Variants in NWD2 observed in about 807,000 individuals in gnomAD.
NWD2 encodes the protein NACHT and WD repeat domain containing 2, also known as NACHT and WD repeat domain-containing protein 2.
In NWD2, 37 loss-of-function variants were observed where a neutral mutation model predicts 132.7. The ratio of observed to expected loss-of-function variants is 0.28; its 90% CI spans 0.21 to 0.37. NWD2 has a LOEUF of 0.37. Ranked by LOEUF, NWD2 falls within the 10% of genes least tolerant of loss-of-function variation. The probability of loss-of-function intolerance (pLI) is 1.00; values close to 1 mark genes in which losing one functional copy is unlikely to be tolerated. For synonymous variants in NWD2, 705 were observed against 803.0 expected (o/e 0.88, Z 2.06); for missense variants, 1,592 against 2,122.4 (o/e 0.75, Z 4.91).
At chr4:37,269,589 T>G (rs1577649953) in intron 1 of NWD2, among the ~76,000 whole-genome samples, 1 of 151,928 alleles carries the variant, frequency 6.6e-6, no homozygotes, top group Non-Finnish European at 1.5e-5. Flanking sequence ...TTCATTGAAA[T>G]GGAATCATAG....
At chr4:37,268,393 A>T (rs181129952) in intron 1 of NWD2, among the ~76,000 whole-genome samples, 1 of 152,082 alleles carries the variant, frequency 6.6e-6, no homozygotes, top group Admixed American at 6.6e-5. Context: ...ACCTTTAATC[A>T]TAGATCTTTT....
Position 37,267,189 on chromosome 4 carries a change from ATATT to A in NWD2, c.151+21974_151+21977del, listed in dbSNP as rs1717771508. Among the ~76,000 whole-genome samples, 3 of 152,046 alleles carry A rather than the reference ATATT, an allele frequency of 2.0e-5. No individual in the cohort carries two copies. In the South Asian group the frequency reaches 6.2e-4, roughly 31 times the overall value. On this transcript the variant is annotated intron_variant, in intron 1 of 6. Transcript: ENST00000309447. ...ATGACTGTACGGCTAGAAATAATAA[ATATT>A]TAATGTTCATGCTAATTAAAAATTA...
At position 37,310,070 on chromosome 4, in the gene NWD2, C is replaced by G. The variant is rs116099986; in HGVS notation, c.152-15866C>G. 6.8e-3 allele frequency among the ~76,000 whole-genome samples: 1,039 copies of G among 152,224 alleles called. 9 individuals are homozygous for G. The highest frequency in any genetic ancestry group is 0.024 in the African/African-American group (978 of 41,526). ...TGTTTTTCCTGTTAGAAAAAAAATC[C>G]CATACCATTGTCACATTGAGTAGGG... On this transcript the variant is annotated intron_variant, in intron 1 of 6. Coordinates refer to ENST00000309447, the MANE Select transcript of NWD2 (RefSeq NM_001144990.2).
At chr4:37,276,973 G>A (rs185353862) in intron 1 of NWD2, among the ~76,000 whole-genome samples, 3,473 of 151,986 alleles carry the variant, frequency 0.023, 78 homozygotes, top group Non-Finnish European at 0.033. Context: ...ATCACACACC[G>A]GGGCCTGTTG....
chr4:37,426,906 T>A (rs150844585), intron 3 of NWD2, among the ~76,000 whole-genome samples: 27 of 152,216 alleles, frequency 1.8e-4, no homozygotes, highest in African/African-American at 6.5e-4. Flanking sequence ...CAGAAAGAAG[T>A]TGAAGAACGA....
At chr4:37,265,622 G>A (rs1717733538) in intron 1 of NWD2, among the ~76,000 whole-genome samples, 1 of 151,946 alleles carries the variant, frequency 6.6e-6, no homozygotes, top group Admixed American at 6.6e-5. Context: ...CCAGTAGCAT[G>A]ACATCCCTCC....
chr4:37,246,455 G>C (rs59048028), intron 1 of NWD2, among the ~76,000 whole-genome samples: 3,092 of 152,180 alleles, frequency 0.02, 105 homozygotes, highest in African/African-American at 0.071. Context: ...CTTGGGGGAC[G>C]GCACGACTGT....
In NWD2 at chr4:37,341,555, C is replaced by T. The variant is rs142704005; in HGVS notation, c.241-14811C>T. ...CATGAAATGAGATTGAAGTGTTAGG[C>T]GGGGACCTGATCACAGAGGAGCTCA... On this transcript the variant is annotated intron_variant, in intron 2 of 6. Coordinates refer to ENST00000309447, the MANE Select transcript of NWD2 (RefSeq NM_001144990.2). Among the ~76,000 whole-genome samples, 36 of 152,148 alleles carry T rather than the reference C, an allele frequency of 2.4e-4. No individual in the cohort carries two copies. The East Asian group carries it at 5.0e-3, about 21-fold the overall frequency.
rs577016339 is a variant in NWD2 at position 37,352,942 on chromosome 4, A to T, written c.241-3424A>T. Among the ~76,000 whole-genome samples, 12 of 152,256 alleles carry T rather than the reference A, an allele frequency of 7.9e-5. No homozygotes were observed. The South Asian group carries it at 1.9e-3, about 24-fold the overall frequency. On this transcript the variant is annotated intron_variant, in intron 2 of 6. Coordinates refer to ENST00000309447, the MANE Select transcript of NWD2 (RefSeq NM_001144990.2). The stretch of plus-strand genomic sequence containing the variant: ...GCCCATTAGTTGATGCAGTTTCTTC[A>T]TAGTGTCAATCGTCTTTACAATTTG...
chr4:37,311,805 A>G (rs997799533), intron 1 of NWD2, among the ~76,000 whole-genome samples: 2 of 149,218 alleles, frequency 1.3e-5, no homozygotes, highest in Admixed American at 1.3e-4. Context: ...TAATTTTTGT[A>G]TAAGGTATAA....
intron 3 of NWD2, among the ~76,000 whole-genome samples, chr4:37,410,539 A>C (rs1245467255): frequency 6.6e-6 from 1 of 152,190 alleles, no homozygotes; most frequent in Non-Finnish European, 1.5e-5. Context: ...AGACTCCCAC[A>C]CAATAATAGT....
chr4:37,275,838 A>G (rs1717999843), intron 1 of NWD2, among the ~76,000 whole-genome samples: 1 of 152,220 alleles, frequency 6.6e-6, no homozygotes, highest in Admixed American at 6.5e-5. Context: ...GACAAAAACA[A>G]GCAATAGGGA....
At chr4:37,416,654 C>T (rs1406225887) in intron 3 of NWD2, among the ~76,000 whole-genome samples, 1 of 152,198 alleles carries the variant, frequency 6.6e-6, no homozygotes, top group Admixed American at 6.5e-5. Context: ...CTTGCACACA[C>T]ATATTTATAG....
chr4:37,444,230 G>A lies in NWD2; in HGVS notation c.2242G>A (p.Asp748Asn), dbSNP rs1345470716. The A allele has an allele frequency of 5.2e-6, 8 of 1,551,712 alleles. No individual in the cohort carries two copies. In the East Asian group the frequency reaches 2.0e-4, roughly 38 times the overall value. ...CATAGCCCAGAAGCTATATCTGCAG[G>A]ATGACAATGACCTGCGTGAAATGCA... Reference protein sequence around the residue: ...QLIAQKLYLQDDNDLREMHTI... With the variant: ...QLIAQKLYLQNDNDLREMHTI... Residue 748 changes from aspartate (D) to asparagine (N), a missense_variant, in exon 7 of 7, where the codon GAT becomes AAT. Asp to Asn is a conservative substitution (Grantham distance 23, BLOSUM62 1). Around this residue, in one of 7 missense-constraint regions of NWD2, gnomAD observed 1,071 missense variants for 1,398.0 expected, o/e 0.77. Transcript: ENST00000309447. The surrounding 1 kb of genome is among the most constrained non-coding windows in gnomAD (Gnocchi z 4.8).
chr4:37,357,537 G>T (rs932600467), intron 3 of NWD2, among the ~76,000 whole-genome samples: 4 of 152,130 alleles, frequency 2.6e-5, no homozygotes, highest in Non-Finnish European at 4.4e-5. Flanking sequence ...GTGCTACCGT[G>T]TGCCAAGGGT....
intron 2 of NWD2, among the ~76,000 whole-genome samples, chr4:37,346,420 G>A (rs753465040): frequency 1.6e-4 from 25 of 152,130 alleles, no homozygotes; most frequent in Non-Finnish European, 3.5e-4. Flanking sequence ...TTGTGGTTTT[G>A]TAGTAAGTTT....
At chr4:37,354,766 T>C (rs1469204879) in intron 2 of NWD2, among the ~76,000 whole-genome samples, 2 of 152,122 alleles carry the variant, frequency 1.3e-5, no homozygotes, top group Admixed American at 1.3e-4. Context: ...TTCTAAGACA[T>C]TAGAAACAAA....
chr4:37,443,721 G>A lies in NWD2; in HGVS notation c.1733G>A (p.Ser578Asn). The A allele has an allele frequency of 6.4e-7, 1 of 1,552,004 alleles. No individual in the cohort carries two copies. The highest frequency in any genetic ancestry group is 8.7e-7 in the Non-Finnish European group (1 of 1,147,084). The change falls in exon 7 of 7, where the codon AGC becomes AAC. Residue 578 changes from serine to asparagine, a missense_variant. Physicochemically the swap from Ser to Asn is conservative, Grantham distance 46. Coordinates refer to ENST00000309447, the MANE Select transcript of NWD2 (RefSeq NM_001144990.2). This position sits in a 1 kb window ranked among gnomAD's most constrained non-coding sequence, Gnocchi z 4.1. ...ELIPRDRKMC[S>N]QVLKHQLLRV... The stretch of plus-strand genomic sequence containing the variant: ...ATTCCCCGAGACAGGAAGATGTGCA[G>A]CCAGGTCCTCAAACACCAGCTGCTG...
intron 3 of NWD2, among the ~76,000 whole-genome samples, chr4:37,408,088 A>C (rs1721080989): frequency 6.6e-6 from 1 of 152,140 alleles, no homozygotes; most frequent in Non-Finnish European, 1.5e-5. Context: ...TCAAGCACAA[A>C]ACTGGGCAGC....
Sources: allele counts gnomAD v4.1 joint callset (sites outside exome capture counted in the v4.1 genomes callset), GRCh38; gene constraint gnomAD v4.1.1; regional missense constraint gnomAD v4.1.1; non-coding constraint Gnocchi (gnomAD v3.1); transcripts MANE v1.5; gene names NCBI Gene and HGNC (gene_info 2026-07-23, HGNC 2026-07-21).